The following SAMD5 variants were observed in gnomAD, a reference collection of about 807,000 sequenced individuals.
The protein encoded by SAMD5 is sterile alpha motif domain containing 5, also known as sterile alpha motif domain-containing protein 5.
Under a neutral mutation model 11.3 loss-of-function variants are expected in SAMD5, and 13 were observed. That is an observed-to-expected ratio of 1.15 (90% CI 0.75 to 1.83). The LOEUF (loss-of-function observed/expected upper bound fraction) is 1.83. Among genes scored for constraint, SAMD5 ranks in the 40% most tolerant of loss-of-function variants. SAMD5 has a pLI of 0.00. For synonymous variants in SAMD5, 129 were observed against 111.3 expected (o/e 1.16, Z -1.00); for missense variants, 255 against 239.1 (o/e 1.07, Z -0.44).
At chr6:147,671,149 C>G (rs1293012744) in intron 1 of SAMD5, among the ~76,000 whole-genome samples, 1 of 152,172 alleles carries the variant, frequency 6.6e-6, no homozygotes, top group Admixed American at 6.5e-5. Flanking sequence ...GCAGTCAGAA[C>G]ACATATTTAT....
chr6:147,717,867 A>ACAAAG (rs1050948646), intron 1 of SAMD5, among the ~76,000 whole-genome samples: 2 of 147,078 alleles, frequency 1.4e-5, no homozygotes, highest in African/African-American at 4.9e-5. Flanking sequence ...ACAAAACAAA[A>ACAAAG]CAAAACAAAA....
At chr6:147,551,461 T>C (rs1358900701) in intron 1 of SAMD5, among the ~76,000 whole-genome samples, 1 of 152,134 alleles carries the variant, frequency 6.6e-6, no homozygotes, top group Non-Finnish European at 1.5e-5. Context: ...TGCTCTTAAA[T>C]GAACCATGAA....
chr6:147,944,864 G>A, the SAMD5 span, among the ~76,000 whole-genome samples: 1 of 152,278 alleles, frequency 6.6e-6, no homozygotes, highest in South Asian at 2.1e-4. Flanking sequence ...CTTGCTTCTG[G>A]TGACAGCCAG....
intron 1 of SAMD5, among the ~76,000 whole-genome samples, chr6:147,692,817 C>G (rs913162241): frequency 6.6e-6 from 1 of 152,156 alleles, no homozygotes; most frequent in African/African-American, 2.4e-5. Flanking sequence ...ATTGAGATTG[C>G]AGGTTAGGTT....
downstream of SAMD5, among the ~76,000 whole-genome samples, chr6:147,570,375 G>A (rs1789119567): frequency 6.6e-6 from 1 of 152,136 alleles, no homozygotes; most frequent in Admixed American, 6.5e-5. Flanking sequence ...CTGTACATGT[G>A]TTTCTGCTAT....
intron 1 of SAMD5, among the ~76,000 whole-genome samples, chr6:147,514,820 G>A (rs1022436288): frequency 2.6e-5 from 4 of 152,026 alleles, no homozygotes; most frequent in Non-Finnish European, 4.4e-5. Context: ...CATACCCTTC[G>A]TGTGACTTTT....
chr6:147,864,414 G>A, the SAMD5 span, among the ~76,000 whole-genome samples: 3 of 152,316 alleles, frequency 2.0e-5, no homozygotes, highest in African/African-American at 7.2e-5. Flanking sequence ...AATAAATGCA[G>A]TTGGTAAACC....
intron 1 of SAMD5, among the ~76,000 whole-genome samples, chr6:147,673,012 A>G (rs929360725): frequency 6.6e-6 from 1 of 152,070 alleles, no homozygotes; most frequent in African/African-American, 2.4e-5. Context: ...TTCTACAATT[A>G]TGCTACTCTT....
the SAMD5 span, among the ~76,000 whole-genome samples, chr6:147,941,852 GGTTT>G: frequency 0.37 from 48,715 of 132,702 alleles, 8,061 homozygotes; most frequent in South Asian, 0.5. Flanking sequence ...GTGTGAAGTT[GGTTT>G]GTTTGTTTGT....
At chr6:147,560,876 C>A (rs2128444099) in intron 1 of SAMD5, among the ~76,000 whole-genome samples, 1 of 152,218 alleles carries the variant, frequency 6.6e-6, no homozygotes, top group Middle Eastern at 3.4e-3. Flanking sequence ...CCCATAAAAG[C>A]CTAGAACAAA....
chr6:147,527,992 G>C (rs1788370272), intron 1 of SAMD5, among the ~76,000 whole-genome samples: 1 of 152,022 alleles, frequency 6.6e-6, no homozygotes, highest in Non-Finnish European at 1.5e-5. Flanking sequence ...CGCGTACGGG[G>C]AGGTGCCATA....
At chr6:147,912,852 A>G in the SAMD5 span, among the ~76,000 whole-genome samples, 16 of 152,168 alleles carry the variant, frequency 1.1e-4, no homozygotes, top group African/African-American at 3.1e-4. Context: ...TTATATAAGA[A>G]ATAAGGGAAA....
At chr6:147,720,288 C>T (rs984770718) in intron 1 of SAMD5, among the ~76,000 whole-genome samples, 5 of 152,094 alleles carry the variant, frequency 3.3e-5, no homozygotes, top group South Asian at 2.1e-4. Context: ...GGTGAAACCC[C>T]GTCTCTACTG....
At chr6:147,606,767 T>C (rs1247864255) in intron 1 of SAMD5, among the ~76,000 whole-genome samples, 1 of 151,962 alleles carries the variant, frequency 6.6e-6, no homozygotes. Context: ...TGTTTATAGT[T>C]CACTTTGCAG....
chr6:147,836,290 A>G, the SAMD5 span, among the ~76,000 whole-genome samples: 1 of 152,226 alleles, frequency 6.6e-6, no homozygotes, highest in Admixed American at 6.5e-5. Flanking sequence ...GCACATGGCC[A>G]GAAATTACCT....
chr6:147,952,148 G>A, the SAMD5 span, among the ~76,000 whole-genome samples: 1 of 152,122 alleles, frequency 6.6e-6, no homozygotes, highest in Non-Finnish European at 1.5e-5. Flanking sequence ...CCAAAAAGAT[G>A]AATGCCAAAT....
At chr6:147,758,841 G>A in the SAMD5 span, among the ~76,000 whole-genome samples, 4 of 152,054 alleles carry the variant, frequency 2.6e-5, no homozygotes, top group Non-Finnish European at 5.9e-5. Context: ...AAGTACTTCG[G>A]GCTACTCTGA....
At chr6:147,574,576 A>C (rs1308574863), downstream of SAMD5, among the ~76,000 whole-genome samples, 1 of 152,212 alleles carries the variant, frequency 6.6e-6, no homozygotes, top group South Asian at 2.1e-4. Context: ...TTGTGCTGCT[A>C]TAACAGAATG....
downstream of SAMD5, among the ~76,000 whole-genome samples, chr6:147,739,006 G>A (rs1340068357): frequency 1.3e-5 from 2 of 152,182 alleles, no homozygotes; most frequent in Admixed American, 1.3e-4. Context: ...GAGAAAACCC[G>A]GAGGGGCAAA....
Sources: allele counts gnomAD v4.1 joint callset (sites outside exome capture counted in the v4.1 genomes callset), GRCh38; gene constraint gnomAD v4.1.1; transcripts MANE v1.5; gene names NCBI Gene and HGNC (gene_info 2026-07-23, HGNC 2026-07-21).